STAB2: variants seen among roughly 807,000 people sequenced by gnomAD.
STAB2 encodes stabilin-2.
STAB2 carries 288 observed loss-of-function variants against 338.1 expected under a neutral mutation model. That is an observed-to-expected ratio of 0.85 (90% CI 0.77 to 0.94). The LOEUF is 0.94. STAB2 is among the 40% of genes least tolerant of loss of function. The pLI is 0.00. For missense variants in STAB2, 3,141 were observed against 3,210.1 expected (o/e 0.98, Z 0.52); for synonymous variants, 1,202 against 1,193.3 (o/e 1.01, Z -0.15).
chr12:103,624,101 T>A (rs1267581979), intron 5 of STAB2, among the ~76,000 whole-genome samples: 1 of 152,208 alleles, frequency 6.6e-6, no homozygotes, highest in East Asian at 1.9e-4. Flanking sequence ...CAAGAAAACC[T>A]ATGCACACAC....
intron 15 of STAB2, among the ~76,000 whole-genome samples, chr12:103,658,259 G>A (rs1874338676): frequency 6.6e-6 from 1 of 152,174 alleles, no homozygotes. Flanking sequence ...GTTTTTACCT[G>A]AAACAGCAGG....
At chr12:103,607,836 G>A (rs1047773197) in intron 3 of STAB2, among the ~76,000 whole-genome samples, 8 of 152,050 alleles carry the variant, frequency 5.3e-5, no homozygotes, top group African/African-American at 1.2e-4. Flanking sequence ...GAATAGTGCC[G>A]CAATAAACAT....
At position 103,761,415 on chromosome 12, in the gene STAB2, G is replaced by A. The variant is rs1884529472; in HGVS notation, c.7359+5G>A. 1 of 1,612,892 alleles carries A rather than the reference G, an allele frequency of 6.2e-7. No individual in the cohort carries two copies. Among genetic ancestry groups the A allele is most frequent in the South Asian group, 1.1e-5 (1 of 91,006 alleles). ...AAAGCACCCCCTGCCCCCGTGGTGA[G>A]TATCTAGGGTCCCTGATAACGGGCC... On this transcript the variant is annotated splice_donor_5th_base_variant and intron_variant, in intron 66 of 68. Coordinates refer to ENST00000388887, the MANE Select transcript of STAB2 (RefSeq NM_017564.10).
intron 5 of STAB2, among the ~76,000 whole-genome samples, chr12:103,627,455 C>T (rs1479757526): frequency 6.6e-6 from 1 of 152,222 alleles, no homozygotes; most frequent in Non-Finnish European, 1.5e-5. Context: ...TGGCTTTCAC[C>T]ACTTTAAAGT....
chr12:103,711,609 C>T, intron 40 of STAB2, 93 bp downstream of exon 40: 1 of 1,412,318 alleles, frequency 7.1e-7, no homozygotes, highest in Non-Finnish European at 9.8e-7. Flanking sequence ...GGATTTGTTT[C>T]CTGACACCAT....
chr12:103,642,177 A>G (rs1872973806), intron 9 of STAB2, among the ~76,000 whole-genome samples: 1 of 152,222 alleles, frequency 6.6e-6, no homozygotes. Context: ...GTTCATGTAT[A>G]TAATATGCTT....
chr12:103,608,422 A>G (rs1018562281), intron 3 of STAB2, among the ~76,000 whole-genome samples: 3 of 152,146 alleles, frequency 2.0e-5, no homozygotes, highest in African/African-American at 4.8e-5. Flanking sequence ...GATTACAGGC[A>G]TGAGCCACCG....
Position 103,705,642 on chromosome 12 carries a change from A to C in STAB2, c.3911A>C (p.Lys1304Thr). 1 of 1,614,192 alleles carries C rather than the reference A, an allele frequency of 6.2e-7. No individual in the cohort carries two copies. Among genetic ancestry groups the C allele is most frequent in the South Asian group, 1.1e-5 (1 of 91,080 alleles). ...PFGTKSLGNE[K>T]RRCIYTSYFM... The stretch of plus-strand genomic sequence containing the variant: ...ATTAATATTTCACAGGGTAATGAGA[A>C]GAGGAGATGCATCTATACCTCCTAT... Residue 1304 changes from lysine to threonine, a missense_variant, in exon 37 of 69, where the codon AAG becomes ACG. Transcript: ENST00000388887.
chr12:103,725,194 G>A (rs919874199), intron 45 of STAB2, 100 bp downstream of exon 45: 23 of 1,506,244 alleles, frequency 1.5e-5, no homozygotes, highest in Non-Finnish European at 1.9e-5. Context: ...GAAATGTAAA[G>A]CGCTATAAAA....
chr12:103,661,058 G>A (rs1051310453), intron 17 of STAB2, among the ~76,000 whole-genome samples: 1 of 152,128 alleles, frequency 6.6e-6, no homozygotes, highest in African/African-American at 2.4e-5. Flanking sequence ...CAATGGTAAT[G>A]AGTGTCCCCA....
intron 12 of STAB2, among the ~76,000 whole-genome samples, chr12:103,653,509 G>A (rs1047937444): frequency 1.3e-5 from 2 of 152,140 alleles, no homozygotes; most frequent in Non-Finnish European, 2.9e-5. Context: ...CTGCTGCAGT[G>A]CATGTGTGAA....
At chr12:103,621,578 A>G (rs1231003241) in intron 4 of STAB2, among the ~76,000 whole-genome samples, 2 of 152,176 alleles carry the variant, frequency 1.3e-5, no homozygotes, top group Non-Finnish European at 2.9e-5. Context: ...CTAAAAATAC[A>G]AAAATTATCC....
chr12:103,716,939 T>C (rs1432341095), intron 43 of STAB2, among the ~76,000 whole-genome samples: 8 of 152,164 alleles, frequency 5.3e-5, no homozygotes, highest in African/African-American at 1.7e-4. Flanking sequence ...TGCACTGATA[T>C]TGGGGCCCAT....
At chr12:103,591,167 G>A (rs1956792282) in intron 2 of STAB2, 137 bp downstream of exon 2, 15 of 1,166,410 alleles carry the variant, frequency 1.3e-5, no homozygotes, top group Non-Finnish European at 1.5e-5. Flanking sequence ...CACAATTTAT[G>A]AACTTAAGTC....
chr12:103,675,984 C>T lies in STAB2; in HGVS notation c.2609C>T (p.Pro870Leu), dbSNP rs2100103649. The T allele has an allele frequency of 6.2e-7, 1 of 1,613,326 alleles. No individual in the cohort carries two copies. Residue 870 changes from proline to leucine, a missense_variant, in exon 24 of 69, where the codon CCT (proline) becomes CTT (leucine). Physicochemically the swap from Pro to Leu is moderately conservative, Grantham distance 98. Transcript: ENST00000388887. The part of the protein sequence containing the change: ...GDGTLCSEMD[P>L]CTGLTPGGCS... Reference sequence around the variant, plus strand: ...GGAACTCTGTGTTCTGAGATGGACCCTTGCACAGGACTAACTCCAGGAGGC... The same window carrying T: ...GGAACTCTGTGTTCTGAGATGGACCTTTGCACAGGACTAACTCCAGGAGGC...
intron 44 of STAB2, among the ~76,000 whole-genome samples, chr12:103,720,625 C>G (rs1880687015): frequency 6.6e-6 from 1 of 152,156 alleles, no homozygotes. Flanking sequence ...CTAAATCTGG[C>G]CCAAGAACAA....
intron 8 of STAB2, among the ~76,000 whole-genome samples, chr12:103,639,715 A>AC (rs1383652026): frequency 1.4e-4 from 22 of 151,762 alleles, no homozygotes; most frequent in Non-Finnish European, 3.1e-4. Context: ...AAAAAAAAAA[A>AC]AAAAAAAAAA....
chr12:103,738,128 T>C (rs1882301055), intron 53 of STAB2, among the ~76,000 whole-genome samples: 1 of 152,152 alleles, frequency 6.6e-6, no homozygotes, highest in South Asian at 2.1e-4. Context: ...TCAACAAATA[T>C]TTGTTGAATG....
chr12:103,737,840 A>G (rs1192150798), intron 53 of STAB2, 60 bp downstream of exon 53: 2 of 1,604,006 alleles, frequency 1.2e-6, no homozygotes, highest in Non-Finnish European at 1.7e-6. Flanking sequence ...GGCCCTCATG[A>G]TCCAGTGTGG....
Sources: allele counts gnomAD v4.1 joint callset (sites outside exome capture counted in the v4.1 genomes callset), GRCh38; gene constraint gnomAD v4.1.1; transcripts MANE v1.5; gene names NCBI Gene and HGNC (gene_info 2026-07-23, HGNC 2026-07-21).